The following APBB2 variants were observed in gnomAD, a reference collection of about 807,000 sequenced individuals.
APBB2 encodes the protein amyloid beta precursor protein binding family B member 2.
Under a neutral mutation model 82.5 loss-of-function variants are expected in APBB2, and 38 were observed. That is an observed-to-expected ratio of 0.46 (90% confidence interval 0.36 to 0.60). The LOEUF (loss-of-function observed/expected upper bound fraction) is 0.60. APBB2 is among the 20% of genes least tolerant of loss of function. The pLI, the probability that APBB2 is intolerant of heterozygous loss-of-function variation, is 0.00. For synonymous variants in APBB2, 341 were observed against 368.2 expected (o/e 0.93, Z 0.85); for missense variants, 772 against 972.3 (o/e 0.79, Z 2.74).
intron 10 of APBB2, among the ~76,000 whole-genome samples, chr4:40,907,660 T>G (rs1777382788): frequency 6.9e-6 from 1 of 145,236 alleles, no homozygotes; most frequent in Non-Finnish European, 1.5e-5. Flanking sequence ...TGTGAGCCAC[T>G]GTGCCTGACC....
rs1307696908 is a variant in APBB2 at position 41,127,459 on chromosome 4, T to A, written c.-261+15528A>T. On this transcript the variant is annotated intron_variant, in intron 2 of 17. Transcript: ENST00000508593. The surrounding 1 kb of genome is among the most constrained non-coding windows in gnomAD (Gnocchi z 4.8). ...TCATGTAGCCATTCACTTCTTGGCA[T>A]GAAAGGTTGCCTACTGCTGTGTTAA... Among the ~76,000 whole-genome samples the A allele has an allele frequency of 6.6e-6, 1 of 152,232 alleles. No individual in the cohort carries two copies. The highest frequency in any genetic ancestry group is 1.5e-5 in the Non-Finnish European group (1 of 68,032).
At chr4:40,902,559 G>A (rs1775623694) in intron 10 of APBB2, among the ~76,000 whole-genome samples, 1 of 151,906 alleles carries the variant, frequency 6.6e-6, no homozygotes, top group African/African-American at 2.4e-5. Flanking sequence ...TTTGAGATGG[G>A]GTCTCACTCT....
At chr4:40,959,144 G>A (rs1303771019) in intron 6 of APBB2, among the ~76,000 whole-genome samples, 1 of 152,198 alleles carries the variant, frequency 6.6e-6, no homozygotes, top group Non-Finnish European at 1.5e-5. Context: ...ATTAAGCTAA[G>A]TGTAACTGCA....
At chr4:40,907,379 A>ATT (rs55814804) in intron 10 of APBB2, among the ~76,000 whole-genome samples, 17 of 37,398 alleles carry the variant, frequency 4.5e-4, no homozygotes, top group South Asian at 8.6e-4. Flanking sequence ...ATATATATAT[A>ATT]TTTTTTTTTT....
At chr4:41,146,568 C>T (rs2154024551) in intron 1 of APBB2, among the ~76,000 whole-genome samples, 1 of 152,266 alleles carries the variant, frequency 6.6e-6, no homozygotes, top group Middle Eastern at 3.4e-3. Flanking sequence ...CGCTTATGTC[C>T]ACACAGCCTT....
intron 1 of APBB2, among the ~76,000 whole-genome samples, chr4:41,213,811 CT>C (rs1465042161): frequency 1.3e-5 from 2 of 152,190 alleles, no homozygotes; most frequent in Non-Finnish European, 1.5e-5. Context: ...GGAAAAGGAA[CT>C]TTTCCCCCCT....
intron 10 of APBB2, among the ~76,000 whole-genome samples, chr4:40,903,500 A>G (rs1775898304): frequency 6.6e-6 from 1 of 152,148 alleles, no homozygotes; most frequent in Admixed American, 6.5e-5. Flanking sequence ...GATGCAAGAA[A>G]CTGATTTTGA....
chr4:41,144,457 T>C (rs1343038851), intron 1 of APBB2, among the ~76,000 whole-genome samples: 2 of 152,394 alleles, frequency 1.3e-5, no homozygotes, highest in African/African-American at 4.8e-5. Context: ...TTCTTTCTAG[T>C]ATTTTCCAAA....
chr4:41,203,572 C>T (rs1433325484), intron 1 of APBB2, among the ~76,000 whole-genome samples: 1 of 152,096 alleles, frequency 6.6e-6, no homozygotes, highest in Admixed American at 6.5e-5. Context: ...TGATAGTATC[C>T]AACATATTCA....
chr4:41,047,852 A>G (rs930045737), intron 4 of APBB2, among the ~76,000 whole-genome samples: 1 of 152,166 alleles, frequency 6.6e-6, no homozygotes, highest in Non-Finnish European at 1.5e-5. Flanking sequence ...CAAGGAACCA[A>G]CTCATGGTTT....
chr4:40,835,132 C>T (rs950232843), intron 12 of APBB2, among the ~76,000 whole-genome samples: 49 of 152,084 alleles, frequency 3.2e-4, no homozygotes, highest in African/African-American at 5.5e-4. Context: ...AAAACTTAGC[C>T]GGGCGTGGTG....
intron 10 of APBB2, among the ~76,000 whole-genome samples, chr4:40,906,262 T>G (rs2154359789): frequency 6.6e-6 from 1 of 151,642 alleles, no homozygotes; most frequent in Non-Finnish European, 1.5e-5. Context: ...CGAGACCAGC[T>G]TGGGCAAAAT....
At chr4:41,145,052 C>A (rs1580386809) in intron 1 of APBB2, among the ~76,000 whole-genome samples, 1 of 152,160 alleles carries the variant, frequency 6.6e-6, no homozygotes, top group African/African-American at 2.4e-5. Context: ...CCTGGGAAGT[C>A]GGGGCTGCAG....
chr4:40,878,586 G>T (rs774985602), intron 12 of APBB2, among the ~76,000 whole-genome samples: 24 of 151,982 alleles, frequency 1.6e-4, no homozygotes, highest in Non-Finnish European at 2.8e-4. Context: ...ATCCTCTCCC[G>T]CCTCAGGACT....
intron 1 of APBB2, among the ~76,000 whole-genome samples, chr4:41,194,592 G>A: frequency 6.6e-6 from 1 of 152,156 alleles, no homozygotes; most frequent in Non-Finnish European, 1.5e-5. Flanking sequence ...ATCGTCTGAG[G>A]ATGGATGGCC....
intron 6 of APBB2, among the ~76,000 whole-genome samples, chr4:40,988,342 G>T (rs1800973106): frequency 6.6e-6 from 1 of 152,180 alleles, no homozygotes; most frequent in African/African-American, 2.4e-5. Context: ...GTTTTAAAAT[G>T]CCAGGGGCTA....
At chr4:40,841,229 C>T (rs988954954) in intron 12 of APBB2, among the ~76,000 whole-genome samples, 1 of 152,190 alleles carries the variant, frequency 6.6e-6, no homozygotes, top group African/African-American at 2.4e-5. Context: ...CTCATCACTT[C>T]CAGCTCCCAA....
Position 40,877,031 on chromosome 4 carries a change from C to T in APBB2, c.1529+13333G>A, listed in dbSNP as rs533530942. 5.3e-5 allele frequency among the ~76,000 whole-genome samples: 8 copies of T among 152,342 alleles called. No individual in the cohort carries two copies. The East Asian group carries it at 5.8e-4, about 11-fold the overall frequency. Reference sequence around the variant, plus strand: ...TGGGGAGGACCCACAGGAGCAGGGTCGGGGGCTCCCACACTGCTGACCTGT... The same window carrying T: ...TGGGGAGGACCCACAGGAGCAGGGTTGGGGGCTCCCACACTGCTGACCTGT... On this transcript the variant is annotated intron_variant, in intron 12 of 17. Transcript: ENST00000508593.
At chr4:41,016,633 A>G (rs1022581153) in intron 5 of APBB2, among the ~76,000 whole-genome samples, 1 of 152,056 alleles carries the variant, frequency 6.6e-6, no homozygotes, top group African/African-American at 2.4e-5. Flanking sequence ...CCTGGGCAAC[A>G]AGAGCAAAAC....
Sources: allele counts gnomAD v4.1 joint callset (sites outside exome capture counted in the v4.1 genomes callset), GRCh38; gene constraint gnomAD v4.1.1; non-coding constraint Gnocchi (gnomAD v3.1); transcripts MANE v1.5; gene names NCBI Gene and HGNC (gene_info 2026-07-23, HGNC 2026-07-21).